GFRA2: variants seen among roughly 807,000 people sequenced by gnomAD.
GFRA2 encodes the protein GDNF family receptor alpha-2.
A neutral mutation model predicts 48.3 loss-of-function variants in GFRA2; 17 were observed. The observed-to-expected ratio is 0.35, with a 90% CI of 0.24 to 0.53. The LOEUF (loss-of-function observed/expected upper bound fraction) is 0.53. GFRA2 is among the 20% of genes least tolerant of loss of function. The pLI is 0.93. For missense variants in GFRA2, 660 were observed against 637.3 expected, an observed-to-expected ratio of 1.04 and a Z score of -0.38; for synonymous variants, 305 against 257.2, an observed-to-expected ratio of 1.19 and a Z score of -1.78.
chr8:21,796,376 G>A (rs888960521), intron 2 of GFRA2, among the ~76,000 whole-genome samples: 1 of 152,222 alleles, frequency 6.6e-6, no homozygotes, highest in Non-Finnish European at 1.5e-5. Flanking sequence ...CCAAGCCTTG[G>A]GGAGCCGGCT....
intron 3 of GFRA2, among the ~76,000 whole-genome samples, chr8:21,761,919 T>C (rs1273031667): frequency 6.6e-6 from 1 of 151,832 alleles, no homozygotes; most frequent in Non-Finnish European, 1.5e-5. Flanking sequence ...ACCACTGTAC[T>C]CCAGCCTGTG....
intron 4 of GFRA2, among the ~76,000 whole-genome samples, chr8:21,738,683 A>G (rs1406315037): frequency 2.0e-5 from 3 of 152,126 alleles, no homozygotes; most frequent in Non-Finnish European, 4.4e-5. Context: ...AACAGAGAGA[A>G]GGGCCTCCTC....
intron 7 of GFRA2, among the ~76,000 whole-genome samples, chr8:21,699,311 C>T (rs1324029730): frequency 6.6e-6 from 1 of 152,190 alleles, no homozygotes; most frequent in Non-Finnish European, 1.5e-5. Context: ...GCTGCAGAGT[C>T]GGCTGCAGGC....
chr8:21,804,225 C>CGT lies in GFRA2; in HGVS notation c.-36+791_-36+792insAC, dbSNP rs1807820103. Among the ~76,000 whole-genome samples the CGT allele has an allele frequency of 5.5e-4, 84 of 151,508 alleles. 1 individual carries two copies. Among genetic ancestry groups the CGT allele is most frequent in the African/African-American group, 1.6e-3 (65 of 41,222 alleles). ...GCACACACACACACACACACACACA[C>CGT]ACACATGCATACACACAATTTACAG... is the stretch of plus-strand genomic sequence containing the variant. On this transcript the variant is annotated intron_variant, in intron 2 of 10. Transcript: ENST00000517328.
chr8:21,702,311 G>C (rs1276567673), intron 7 of GFRA2, among the ~76,000 whole-genome samples: 1 of 152,180 alleles, frequency 6.6e-6, no homozygotes, highest in Admixed American at 6.5e-5. Context: ...ACAAGGGAGG[G>C]GGAAGGAAGC....
intron 7 of GFRA2, among the ~76,000 whole-genome samples, chr8:21,702,204 G>C (rs867677788): frequency 1.2e-4 from 18 of 152,316 alleles, no homozygotes; most frequent in African/African-American, 3.8e-4. Flanking sequence ...CTCCAATCAG[G>C]AGGGGAGCTA....
chr8:21,748,847 C>T (rs1157189580), intron 4 of GFRA2, among the ~76,000 whole-genome samples: 1 of 152,214 alleles, frequency 6.6e-6, no homozygotes, highest in Non-Finnish European at 1.5e-5. Flanking sequence ...ACGGCCCACT[C>T]TACATGTGCC....
rs946701373 is a variant in GFRA2, at chr8:21,711,725, G to A, written c.795-5684C>T. Among the ~76,000 whole-genome samples the A allele has an allele frequency of 1.0e-4, 14 of 138,354 alleles. No homozygotes were observed. The South Asian group carries it at 1.3e-3, about 13-fold the overall frequency. 90.8% of individuals were successfully genotyped at this position (138,354 alleles called of 152,430 possible). A position where few individuals can be genotyped will look rare whatever the true frequency, so the allele number is the denominator to read the frequency against. On this transcript the variant is annotated intron_variant, in intron 4 of 8. Transcript: ENST00000524240. Reference sequence around the variant, plus strand: ...TTTTGATCATTCTTGGGTGTTTCTCGCAGAGGGGGATTTGGCAGGGTCATA... The same window carrying A: ...TTTTGATCATTCTTGGGTGTTTCTCACAGAGGGGGATTTGGCAGGGTCATA...
chr8:21,785,244 A>C (rs1807212698), intron 1 of GFRA2, among the ~76,000 whole-genome samples: 1 of 152,176 alleles, frequency 6.6e-6, no homozygotes, highest in Non-Finnish European at 1.5e-5. Flanking sequence ...GATGATCCTT[A>C]CACAATCTTA....
intron 7 of GFRA2, among the ~76,000 whole-genome samples, chr8:21,700,288 G>A (rs1009583261): frequency 1.3e-5 from 2 of 152,154 alleles, no homozygotes; most frequent in African/African-American, 2.4e-5. Context: ...CCATTTTGCA[G>A]GCCCTATCAG....
intron 4 of GFRA2, among the ~76,000 whole-genome samples, chr8:21,724,235 G>A (rs1249880101): frequency 1.3e-5 from 2 of 152,088 alleles, no homozygotes; most frequent in East Asian, 1.9e-4. Context: ...TGTGTGGGGG[G>A]CCTGGTGTTT....
rs1801867579 is a variant in GFRA2, at chr8:21,691,091, T to C, written c.*2187A>G. 1 of 152,136 alleles carries C rather than the reference T, an allele frequency of 6.6e-6. No individual in the cohort carries two copies. Among genetic ancestry groups the C allele is most frequent in the South Asian group, 2.1e-4 (1 of 4,826 alleles). 9.4% of individuals were successfully genotyped at this position (152,136 alleles called of 1,614,324 possible). A position where few individuals can be genotyped will look rare whatever the true frequency, so the allele number is the denominator to read the frequency against. ...ATATACAACCAGAAGCAAAAGCCAT[T>C]GAGGGGACCTGCGATTGGGAGATGG... is the stretch of plus-strand genomic sequence containing the variant. On this transcript the variant is annotated 3_prime_UTR_variant, in exon 9 of 9. Transcript: ENST00000524240.
At chr8:21,761,941 G>T (rs1235450021) in intron 3 of GFRA2, among the ~76,000 whole-genome samples, 1 of 151,814 alleles carries the variant, frequency 6.6e-6, no homozygotes. Context: ...GACAGAGCGA[G>T]ACTCTGTCTA....
chr8:21,752,378 C>A (rs1273009080), intron 3 of GFRA2, among the ~76,000 whole-genome samples: 3 of 152,116 alleles, frequency 2.0e-5, no homozygotes, highest in Non-Finnish European at 1.5e-5. Flanking sequence ...CAGGCCTCAT[C>A]TCCCTCAGCC....
chr8:21,770,976 G>C (rs1177766774), intron 3 of GFRA2, among the ~76,000 whole-genome samples: 3 of 152,232 alleles, frequency 2.0e-5, no homozygotes, highest in African/African-American at 7.2e-5. Flanking sequence ...TGAGGAGGAT[G>C]CTCCACTTCA....
intron 4 of GFRA2, among the ~76,000 whole-genome samples, chr8:21,719,955 C>T (rs2117440797): frequency 6.6e-6 from 1 of 152,276 alleles, no homozygotes; most frequent in Non-Finnish European, 1.5e-5. Flanking sequence ...CTAGCAGCTC[C>T]AGCCTTCATT....
intron 3 of GFRA2, among the ~76,000 whole-genome samples, chr8:21,752,291 C>T (rs576377783): frequency 1.7e-4 from 26 of 152,272 alleles, no homozygotes; most frequent in Non-Finnish European, 2.5e-4. Context: ...CTGTCCCTTG[C>T]TCTCCTCCCA....
chr8:21,784,368 C>G, intron 1 of GFRA2: 1 of 456,126 alleles, frequency 2.2e-6, no homozygotes, highest in Non-Finnish European at 4.4e-6. Context: ...TGGGAGGCTT[C>G]CTCGACTCCA....
intron 4 of GFRA2, among the ~76,000 whole-genome samples, chr8:21,724,424 T>G (rs1210969768): frequency 6.6e-6 from 1 of 152,136 alleles, no homozygotes; most frequent in African/African-American, 2.4e-5. Context: ...TGCCAATCTG[T>G]GGCAGTGAGG....
Sources: gnomAD v4.1 joint callset for allele counts (sites outside exome capture counted in the v4.1 genomes callset) on GRCh38, gnomAD v4.1.1 for gene constraint, MANE v1.5 for transcripts, NCBI Gene and HGNC (gene_info 2026-07-23, HGNC 2026-07-21) for gene names.